Variants in SATL1 observed in about 807,000 individuals in gnomAD.
The protein encoded by SATL1 is spermidine/spermine N1-acetyl transferase like 1.
In SATL1, 47 loss-of-function variants were observed where a neutral mutation model predicts 51.8. The ratio of observed to expected loss-of-function variants is 0.91; its 90% CI spans 0.72 to 1.16. The LOEUF (loss-of-function observed/expected upper bound fraction) is 1.16. Ranked by LOEUF, SATL1 falls within the 50% of genes most tolerant of loss-of-function variation. SATL1 has a pLI of 0.00. For synonymous variants in SATL1, 176 were observed against 182.4 expected (o/e 0.97, Z 0.28); for missense variants, 520 against 526.4 (o/e 0.99, Z 0.12).
At chrX:85,128,496 T>G (rs1925688694) in intron 2 of SATL1, among the ~76,000 whole-genome samples, 1 of 112,281 alleles carries the variant, frequency 8.9e-6, no homozygotes, top group Non-Finnish European at 1.9e-5. Flanking sequence ...ATATGGTTGT[T>G]TGATTTTTTC....
intron 2 of SATL1, among the ~76,000 whole-genome samples, chrX:85,185,135 C>T (rs757669114): frequency 4.4e-4 from 49 of 112,053 alleles, no homozygotes; most frequent in African/African-American, 1.5e-3. Flanking sequence ...CAGGAGATTT[C>T]CCTGGATTAC....
intron 3 of SATL1, among the ~76,000 whole-genome samples, chrX:85,104,461 T>G: frequency 1.3e-5 from 1 of 75,850 alleles, no homozygotes; most frequent in East Asian, 4.3e-4. Flanking sequence ...ATAATATTAA[T>G]AATTGATTTG....
At chrX:85,195,861 T>G (rs776771083) in intron 2 of SATL1, among the ~76,000 whole-genome samples, 3 of 110,487 alleles carry the variant, frequency 2.7e-5, no homozygotes, top group Admixed American at 2.0e-4. Context: ...TTCAAAACGT[T>G]GAGAGCACGT....
chrX:85,209,048 T>C (rs1210073058), intron 2 of SATL1: 1 of 112,242 alleles, frequency 8.9e-6, no homozygotes, highest in African/African-American at 3.2e-5. Flanking sequence ...ATTTAATCCA[T>C]CTTGAATTAA....
At chrX:85,234,846 G>A (rs909520749) in intron 1 of SATL1, among the ~76,000 whole-genome samples, 3 of 110,947 alleles carry the variant, frequency 2.7e-5, no homozygotes, top group African/African-American at 9.8e-5. Context: ...AATGGCAGGA[G>A]TAAATCCTTA....
At chrX:85,238,854 C>A (rs1928530622) in intron 1 of SATL1, among the ~76,000 whole-genome samples, 1 of 110,626 alleles carries the variant, frequency 9.0e-6, no homozygotes, top group Non-Finnish European at 1.9e-5. Flanking sequence ...CTACTATGTA[C>A]CCATAAATAT....
At chrX:85,155,888 TG>T (rs1926575000) in intron 2 of SATL1, among the ~76,000 whole-genome samples, 1 of 111,765 alleles carries the variant, frequency 8.9e-6, no homozygotes, top group Non-Finnish European at 1.9e-5. Context: ...AATAAAATAA[TG>T]TAATATTTTT....
chrX:85,126,189 C>A (rs1014098564), intron 2 of SATL1, among the ~76,000 whole-genome samples: 2 of 110,880 alleles, frequency 1.8e-5, no homozygotes, highest in Admixed American at 1.9e-4. Context: ...AGCTTTTTAT[C>A]TTTTACATCT....
rs1926874484 is a variant in SATL1, at chrX:85,167,801, A to AAG, written c.-313+56403_-313+56404insCT. The stretch of plus-strand genomic sequence containing the variant: ...TCTATGAGGCTAGCATCATCCTGAT[A>AAG]CCAAAACTTGGCAGAGATACAACAA... On this transcript the variant is annotated intron_variant, in intron 2 of 7. Coordinates refer to ENST00000644105, the MANE Select transcript of SATL1 (RefSeq NM_001367857.2). Among the ~76,000 whole-genome samples, 3 of 111,335 alleles carry AAG rather than the reference A, an allele frequency of 2.7e-5. No homozygotes were observed. The East Asian group carries it at 8.5e-4, about 32-fold the overall frequency.
At chrX:85,145,316 C>T (rs950012693) in intron 2 of SATL1, among the ~76,000 whole-genome samples, 8 of 111,470 alleles carry the variant, frequency 7.2e-5, no homozygotes, top group Non-Finnish European at 1.1e-4. Context: ...CTGTCTTTCT[C>T]TTGTATATTG....
At chrX:85,135,935 G>A (rs2147710302) in intron 2 of SATL1, among the ~76,000 whole-genome samples, 1 of 110,251 alleles carries the variant, frequency 9.1e-6, no homozygotes, top group East Asian at 2.9e-4. Context: ...AGGAGTTGTT[G>A]TTTTAATCTA....
At chrX:85,210,697 A>AT (rs1927901860) in intron 2 of SATL1, 1 of 111,732 alleles carries the variant, frequency 8.9e-6, no homozygotes, top group Non-Finnish European at 1.9e-5. Flanking sequence ...TCTGCCCACT[A>AT]TGACAACAGG....
At chrX:85,211,576 A>G (rs967610228) in intron 2 of SATL1, 3 of 111,496 alleles carry the variant, frequency 2.7e-5, no homozygotes, top group African/African-American at 9.8e-5. Context: ...TGTTTCCTCT[A>G]GAGATACGTG....
intron 2 of SATL1, among the ~76,000 whole-genome samples, chrX:85,117,831 G>GA (rs764346750): frequency 9.0e-6 from 1 of 111,063 alleles, no homozygotes; most frequent in Non-Finnish European, 1.9e-5. Context: ...GTTGTAATTG[G>GA]AAAAAAGCAC....
intron 2 of SATL1, among the ~76,000 whole-genome samples, chrX:85,159,653 T>C (rs1380628804): frequency 9.0e-6 from 1 of 111,314 alleles, no homozygotes; most frequent in East Asian, 2.8e-4. Flanking sequence ...TTTTTCAAAA[T>C]AAATAGTACA....
chrX:85,199,436 C>G (rs1381894158), intron 2 of SATL1, among the ~76,000 whole-genome samples: 1 of 110,943 alleles, frequency 9.0e-6, no homozygotes, highest in Non-Finnish European at 1.9e-5. Context: ...GGGTATATAC[C>G]CTAAAGAAAG....
At chrX:85,206,849 C>T (rs1927800607) in intron 2 of SATL1, among the ~76,000 whole-genome samples, 1 of 110,900 alleles carries the variant, frequency 9.0e-6, no homozygotes, top group Non-Finnish European at 1.9e-5. Flanking sequence ...TCTGGGGAGG[C>T]AAGAAGAGGA....
chrX:85,216,359 A>G (rs775585528), intron 2 of SATL1, among the ~76,000 whole-genome samples: 257 of 111,092 alleles, frequency 2.3e-3, no homozygotes, highest in Admixed American at 4.8e-3. Context: ...ACCATGAATC[A>G]GGAGTCTGAA....
At chrX:85,121,408 T>A (rs1381528339) in intron 2 of SATL1, among the ~76,000 whole-genome samples, 1 of 104,014 alleles carries the variant, frequency 9.6e-6, no homozygotes, top group Non-Finnish European at 1.9e-5. Context: ...ATATATATAT[T>A]TCTTGTTATT....
Sources: allele counts gnomAD v4.1 joint callset (sites outside exome capture counted in the v4.1 genomes callset), GRCh38; gene constraint gnomAD v4.1.1; transcripts MANE v1.5; gene names NCBI Gene and HGNC (gene_info 2026-07-23, HGNC 2026-07-21).